Variants in PTBP2 observed in about 807,000 individuals in gnomAD.
PTBP2 encodes polypyrimidine tract binding protein 2.
PTBP2 carries 13 observed loss-of-function variants against 61.4 expected under a neutral mutation model. The ratio of observed to expected loss-of-function variants is 0.21; its 90% CI spans 0.14 to 0.34. The LOEUF is 0.34. Ranked by LOEUF, PTBP2 falls within the 10% of genes least tolerant of loss-of-function variation. The pLI is 1.00. For synonymous variants in PTBP2, 215 were observed against 218.5 expected (o/e 0.98, Z 0.14); for missense variants, 405 against 642.6 (o/e 0.63, Z 4.00).
In PTBP2 at chr1:96,768,974, T is replaced by C. The variant is rs28480140; in HGVS notation, c.116-729T>C. Among the ~76,000 whole-genome samples the C allele has an allele frequency of 2.2e-3, 341 of 152,152 alleles. 3 individuals carry two copies. The highest frequency in any genetic ancestry group is 7.9e-3 in the African/African-American group (327 of 41,574). On this transcript the variant is annotated intron_variant, in intron 3 of 13. Transcript: ENST00000674951. Reference sequence around the variant, plus strand: ...TTCTCAGGTAAAATTATAATCTTCCTAATTTTGGTCAAACCAGTTTTTTCA... The same window carrying C: ...TTCTCAGGTAAAATTATAATCTTCCCAATTTTGGTCAAACCAGTTTTTTCA...
chr1:96,734,696 T>C (rs927213749), intron 2 of PTBP2, among the ~76,000 whole-genome samples: 5 of 152,000 alleles, frequency 3.3e-5, no homozygotes, highest in Non-Finnish European at 5.9e-5. Context: ...ATGTTTTCCA[T>C]ATTTCCAGTA....
In PTBP2 at chr1:96,806,900, A is replaced by G. The variant is rs6699932; in HGVS notation, c.1113A>G (p.Leu371=). 0.2 allele frequency: 318,692 copies of G among 1,610,272 alleles called. 35,775 individuals are homozygous for G. The highest frequency in any genetic ancestry group is 0.5 in the African/African-American group (37,197 of 74,716). The part of the protein sequence containing the change: ...VYGDVQRVKI[L]YNKKDSALIQ... ...GAGATGTGCAGCGTGTGAAGATTTT[A>G]TACAATAAGAAAGACAGCGCTCTAA... Residue 371 remains leucine, a synonymous_variant, in exon 11 of 14, where the codon TTA becomes TTG. Coordinates refer to ENST00000674951, the MANE Select transcript of PTBP2 (RefSeq NM_021190.4).
At chr1:96,819,623 A>G (rs903384336), downstream of PTBP2, 2 of 150,786 alleles carry the variant, frequency 1.3e-5, no homozygotes, top group African/African-American at 4.9e-5. Context: ...TTTATGTAAT[A>G]TTCAGGTGTT....
At chr1:96,791,398 T>A (rs1175239884) in intron 8 of PTBP2, among the ~76,000 whole-genome samples, 2 of 152,310 alleles carry the variant, frequency 1.3e-5, no homozygotes, top group East Asian at 3.9e-4. Context: ...TTTAATAAAT[T>A]TAGGCTGTTC....
chr1:96,820,944 G>A (rs1244645772), exon 14 of PTBP2: 2 of 152,112 alleles, frequency 1.3e-5, no homozygotes, highest in Non-Finnish European at 2.9e-5. Context: ...ATAGCTTCTA[G>A]TCTGATTCAT....
At chr1:96,822,845 C>T (rs1413017603) in exon 14 of PTBP2, 1 of 152,132 alleles carries the variant, frequency 6.6e-6, no homozygotes, top group African/African-American at 2.4e-5. Context: ...AAGAAACATG[C>T]ATGTTTTTGA....
At chr1:96,726,499 G>A (rs1650549721) in intron 2 of PTBP2, among the ~76,000 whole-genome samples, 2 of 147,568 alleles carry the variant, frequency 1.4e-5, no homozygotes, top group African/African-American at 2.5e-5. Flanking sequence ...GTGCAGTGTC[G>A]CGATCTCTGC....
At chr1:96,774,045 G>A (rs1174208330) in intron 5 of PTBP2, among the ~76,000 whole-genome samples, 2 of 151,370 alleles carry the variant, frequency 1.3e-5, no homozygotes, top group African/African-American at 4.9e-5. Context: ...GAGAAGCTGA[G>A]GTAAATTCAG....
chr1:96,795,373 G>A (rs916576626), intron 8 of PTBP2, among the ~76,000 whole-genome samples: 14 of 152,172 alleles, frequency 9.2e-5, no homozygotes, highest in African/African-American at 3.1e-4. Context: ...TGATGTGATT[G>A]ATTATGAGAA....
At chr1:96,798,399 C>T (rs1022763218) in intron 8 of PTBP2, among the ~76,000 whole-genome samples, 1 of 152,134 alleles carries the variant, frequency 6.6e-6, no homozygotes, top group African/African-American at 2.4e-5. Flanking sequence ...GAGTGAAACT[C>T]CATCTCAAAA....
At chr1:96,746,935 C>CTTCCTTCT in intron 2 of PTBP2, among the ~76,000 whole-genome samples, 1 of 106,952 alleles carries the variant, frequency 9.3e-6, no homozygotes, top group African/African-American at 3.5e-5. Flanking sequence ...TCCTTCCTTC[C>CTTCCTTCT]TTCCTTCCTA....
At chr1:96,723,212 C>G (rs1649874473) in intron 1 of PTBP2, among the ~76,000 whole-genome samples, 1 of 152,126 alleles carries the variant, frequency 6.6e-6, no homozygotes. Context: ...TTCATGTTTC[C>G]TGATTCCTGG....
At chr1:96,751,167 G>T in intron 2 of PTBP2, 2 of 487,034 alleles carry the variant, frequency 4.1e-6, no homozygotes, top group Non-Finnish European at 7.4e-6. Context: ...CAAAGCTTTT[G>T]CTTATAGAAT....
At chr1:96,725,851 G>A (rs1333412792) in intron 2 of PTBP2, among the ~76,000 whole-genome samples, 1 of 151,502 alleles carries the variant, frequency 6.6e-6, no homozygotes, top group African/African-American at 2.4e-5. Flanking sequence ...AGGCCGAGGC[G>A]GGCGGATCAC....
intron 2 of PTBP2, among the ~76,000 whole-genome samples, chr1:96,743,205 T>C (rs1215518804): frequency 6.6e-6 from 1 of 151,148 alleles, no homozygotes; most frequent in East Asian, 1.9e-4. Context: ...GAGAATGGTG[T>C]GAACCCGGGA....
intron 11 of PTBP2, among the ~76,000 whole-genome samples, chr1:96,811,636 C>T (rs1214168235): frequency 3.9e-5 from 6 of 152,060 alleles, no homozygotes; most frequent in Non-Finnish European, 5.9e-5. Flanking sequence ...AGGCTGGTCT[C>T]GAACTCCTAG....
intron 3 of PTBP2, among the ~76,000 whole-genome samples, chr1:96,760,898 CA>C (rs549501366): frequency 5.5e-4 from 84 of 152,162 alleles, no homozygotes; most frequent in African/African-American, 1.9e-3. Context: ...TGAAATAACC[CA>C]AATGTTTATC....
Position 96,772,801 on chromosome 1 carries a change from C to T in PTBP2, c.432+1950C>T, listed in dbSNP as rs552720279. Among the ~76,000 whole-genome samples the T allele has an allele frequency of 9.9e-5, 15 of 151,904 alleles. No individual in the cohort carries two copies. The East Asian group carries it at 2.3e-3, about 24-fold the overall frequency. ...TACATTCTCATTTTAAAAGATTAAA[C>T]GAAAGGAACATGTAAAGAATAAAGC... On this transcript the variant is annotated intron_variant, in intron 5 of 13. Transcript: ENST00000674951.
intron 5 of PTBP2, among the ~76,000 whole-genome samples, chr1:96,774,856 A>G (rs942845608): frequency 5.9e-5 from 9 of 152,144 alleles, no homozygotes; most frequent in Non-Finnish European, 1.3e-4. Flanking sequence ...TTGTCTTATG[A>G]CTACTCCCAC....
Sources: allele counts gnomAD v4.1 joint callset (sites outside exome capture counted in the v4.1 genomes callset), GRCh38; gene constraint gnomAD v4.1.1; transcripts MANE v1.5; gene names NCBI Gene and HGNC (gene_info 2026-07-23, HGNC 2026-07-21).